Variants in CLPSL1 observed in about 807,000 individuals in gnomAD.
CLPSL1 encodes colipase like 1.
Under a neutral mutation model 9.3 loss-of-function variants are expected in CLPSL1, and 13 were observed. The observed-to-expected ratio is 1.40, with a 90% CI of 0.91 to 2.22. The LOEUF is 2.22. CLPSL1 is among the 30% of genes most tolerant of loss of function. The pLI is 0.00. For synonymous variants in CLPSL1, 58 were observed against 56.9 expected, an observed-to-expected ratio of 1.02 and a Z score of -0.08; for missense variants, 164 against 146.6, an observed-to-expected ratio of 1.12 and a Z score of -0.61.
chr6:35,792,950 C>T (rs112955877), downstream of CLPSL1, among the ~76,000 whole-genome samples: 23,471 of 148,184 alleles, frequency 0.16, 5 homozygotes, highest in Non-Finnish European at 0.21. Context: ...ATAGCCATTG[C>T]CCCCTTCCCT....
chr6:35,784,727 C>G (rs2151060437), intron 1 of CLPSL1, among the ~76,000 whole-genome samples: 1 of 152,250 alleles, frequency 6.6e-6, no homozygotes. Context: ...AAGCAAGACT[C>G]CTGTCTCTTA....
chr6:35,791,343 G>T (rs150443533), downstream of CLPSL1, among the ~76,000 whole-genome samples: 1 of 152,214 alleles, frequency 6.6e-6, no homozygotes, highest in African/African-American at 2.4e-5. Flanking sequence ...GGGCACGGGG[G>T]CTCACGCCTG....
chr6:35,789,069 G>A (rs2151062628), downstream of CLPSL1, among the ~76,000 whole-genome samples: 2 of 152,386 alleles, frequency 1.3e-5, no homozygotes, highest in Non-Finnish European at 2.9e-5. Context: ...TACCTTGGTA[G>A]AATATGCTGT....
intron 1 of CLPSL1, chr6:35,793,464 C>G (rs778610335): frequency 4.2e-6 from 2 of 470,822 alleles, no homozygotes; most frequent in Non-Finnish European, 4.4e-6. Context: ...AAGAAACTCT[C>G]TGCTCCTTCT....
At chr6:35,788,886 G>A (rs1374385243), downstream of CLPSL1, among the ~76,000 whole-genome samples, 1 of 152,264 alleles carries the variant, frequency 6.6e-6, no homozygotes, top group Admixed American at 6.5e-5. Context: ...TTACATTTTG[G>A]AGTTAATTAT....
rs531584204 is a variant in CLPSL1 at position 35,793,597 on chromosome 6, A to C, written c.*62A>C. The C allele has an allele frequency of 6.8e-5, 32 of 470,238 alleles. No homozygotes were observed. The East Asian group carries it at 2.2e-3, about 33-fold the overall frequency. 29.1% of individuals were successfully genotyped at this position (470,238 alleles called of 1,614,324 possible). The stretch of plus-strand genomic sequence containing the variant: ...AAGAGAAGGTCAAGAGCTACCAGCC[A>C]CCAAAAGAATGCCAGCACTTCCTGT... On this transcript the variant is annotated 3_prime_UTR_variant, in exon 2 of 2. Transcript: ENST00000428710.
downstream of CLPSL1, among the ~76,000 whole-genome samples, chr6:35,790,613 A>G (rs1315582300): frequency 2.6e-5 from 4 of 152,392 alleles, no homozygotes; most frequent in East Asian, 7.7e-4. Context: ...CACTTATAGA[A>G]AAGTAATTTT....
chr6:35,792,867 G>C (rs1768247046), downstream of CLPSL1, among the ~76,000 whole-genome samples: 1 of 152,274 alleles, frequency 6.6e-6, no homozygotes, highest in African/African-American at 2.4e-5. Flanking sequence ...ACCCCTCCTG[G>C]GTTAAGGTAT....
At chr6:35,784,198 G>A (rs1421949884) in intron 1 of CLPSL1, among the ~76,000 whole-genome samples, 1 of 152,224 alleles carries the variant, frequency 6.6e-6, no homozygotes, top group East Asian at 1.9e-4. Context: ...TCCATTCCAG[G>A]TCATAGGTAG....
downstream of CLPSL1, among the ~76,000 whole-genome samples, chr6:35,790,458 G>T (rs1009315151): frequency 2.0e-5 from 3 of 152,254 alleles, no homozygotes; most frequent in African/African-American, 7.2e-5. Context: ...GTACTTGAAG[G>T]CCTGAGAATT....
At position 35,781,048 on chromosome 6, in the gene CLPSL1, C is replaced by T. The variant is rs964109454; in HGVS notation, c.-63C>T. 8.1e-6 allele frequency: 13 copies of T among 1,596,012 alleles called. No homozygotes were observed. The South Asian group carries it at 1.1e-4, about 14-fold the overall frequency. ...GGTGTTCCCACAGCTGGGAGGACAC[C>T]CACATGGTCGGCGTGCAGGATATTT... On this transcript the variant is annotated 5_prime_UTR_variant, in exon 1 of 3. Coordinates refer to ENST00000373861, the MANE Select transcript of CLPSL1 (RefSeq NM_001010886.5).
chr6:35,791,392 C>A (rs907686458), downstream of CLPSL1, among the ~76,000 whole-genome samples: 28 of 152,336 alleles, frequency 1.8e-4, no homozygotes, highest in East Asian at 5.2e-3. Context: ...AGGCGGATCA[C>A]AAGGTCAGGA....
intron 1 of CLPSL1, among the ~76,000 whole-genome samples, chr6:35,786,157 C>G (rs563949944): frequency 5.9e-5 from 9 of 151,992 alleles, no homozygotes; most frequent in Non-Finnish European, 1.2e-4. Flanking sequence ...CGCAGCTACT[C>G]GGGAGAATTG....
rs764415818 is a variant in CLPSL1, at chr6:35,787,864, C to T, written c.223-3C>T. 6.2e-7 allele frequency: 1 copy of T among 1,609,390 alleles called. No individual in the cohort carries two copies. Among genetic ancestry groups the T allele is most frequent in the Non-Finnish European group, 8.5e-7 (1 of 1,176,430 alleles). Reference sequence around the variant, plus strand: ...GTCGAGGTCAAAGTCCTGTCTTTCCCAGGTGTTCTTTGGCCAATATAGAGC... The same window carrying T: ...GTCGAGGTCAAAGTCCTGTCTTTCCTAGGTGTTCTTTGGCCAATATAGAGC... On this transcript the variant is annotated splice_polypyrimidine_tract_variant and splice_region_variant and intron_variant, in intron 2 of 2. Coordinates refer to ENST00000373861, the MANE Select transcript of CLPSL1 (RefSeq NM_001010886.5).
rs766826312 is a variant in CLPSL1 at position 35,787,882 on chromosome 6, T to C, written c.238T>C (p.Tyr80His). 6.2e-7 allele frequency: 1 copy of C among 1,608,590 alleles called. No homozygotes were observed. Among genetic ancestry groups the C allele is most frequent in the Non-Finnish European group, 8.5e-7 (1 of 1,175,268 alleles). The change falls in exon 3 of 3, where the codon TAT becomes CAT. Residue 80 changes from tyrosine (Y) to histidine (H), a missense_variant. By Grantham distance (83) the Tyr-to-His change is moderately conservative. Coordinates refer to ENST00000373861, the MANE Select transcript of CLPSL1 (RefSeq NM_001010886.5). Reference protein sequence around the residue: ...LCQTQVFFGQYRACPCLRNLT... With the variant: ...LCQTQVFFGQHRACPCLRNLT... ...TCTTTCCCAGGTGTTCTTTGGCCAA[T>C]ATAGAGCGTGTCCCTGCCTGCGGAA...
exon 2 of CLPSL1, chr6:35,793,541 T>C (rs760386862): frequency 1.9e-5 from 9 of 471,854 alleles, no homozygotes; most frequent in South Asian, 1.4e-4. Flanking sequence ...CGTGAAGTCA[T>C]GAGCTGCTGC....
chr6:35,787,468 G>A (rs904220364), intron 2 of CLPSL1, among the ~76,000 whole-genome samples: 1 of 152,284 alleles, frequency 6.6e-6, no homozygotes, highest in Non-Finnish European at 1.5e-5. Flanking sequence ...TCTTCATCCA[G>A]CTCAGGAGTT....
At position 35,788,006 on chromosome 6, in the gene CLPSL1, T is replaced by C. The variant is rs1399541360; in HGVS notation, c.362T>C (p.Phe121Ser). The C allele has an allele frequency of 1.2e-6, 2 of 1,610,918 alleles. No homozygotes were observed. The highest frequency in any genetic ancestry group is 2.2e-5 in the South Asian group (2 of 90,964). ...GRQKLAKKMF[F>S] is the part of the protein sequence containing the mutation. ...CAGAAGTTGGCTAAGAAAATGTTCT[T>C]CTAGTGCTCCCTCCTTCTTGCTGCC... is the stretch of plus-strand genomic sequence containing the variant. The change falls in exon 3 of 3, where the codon TTC (phenylalanine) becomes TCC (serine). Residue 121 changes from phenylalanine to serine, a missense_variant. Phe to Ser is a radical substitution (Grantham distance 155). Transcript: ENST00000373861.
At position 35,781,057 on chromosome 6, in the gene CLPSL1, C is replaced by T. The variant is rs923409473; in HGVS notation, c.-54C>T. On this transcript the variant is annotated 5_prime_UTR_variant, in exon 1 of 3. Transcript: ENST00000373861. ...ACAGCTGGGAGGACACCCACATGGTCGGCGTGCAGGATATTTCGCTGGACC... is the reference window on the plus strand; with the variant it reads ...ACAGCTGGGAGGACACCCACATGGTTGGCGTGCAGGATATTTCGCTGGACC... 1.7e-5 allele frequency: 27 copies of T among 1,600,942 alleles called. No individual in the cohort carries two copies. Among genetic ancestry groups the T allele is most frequent in the Middle Eastern group, 1.9e-4 (1 of 5,184 alleles).
Sources: gnomAD v4.1 joint callset for allele counts (sites outside exome capture counted in the v4.1 genomes callset) on GRCh38, gnomAD v4.1.1 for gene constraint, MANE v1.5 for transcripts, NCBI Gene and HGNC (gene_info 2026-07-23, HGNC 2026-07-21) for gene names.